POU2AF2: variants seen among roughly 807,000 people sequenced by gnomAD.
POU2AF2 encodes the protein POU domain class 2-associating factor 2.
chr11:111,264,371 C>T, the POU2AF2 span, among the ~76,000 whole-genome samples: 4 of 151,954 alleles, frequency 2.6e-5, no homozygotes, highest in Non-Finnish European at 1.5e-5. Flanking sequence ...TGGTGTGCAC[C>T]TGTAATCCCA....
the POU2AF2 span, among the ~76,000 whole-genome samples, chr11:111,254,412 T>C: frequency 6.6e-6 from 1 of 152,224 alleles, no homozygotes; most frequent in Non-Finnish European, 1.5e-5. Context: ...TGGATTTGTT[T>C]TTCTTCTTCA....
chr11:111,279,859 C>T, the POU2AF2 span, among the ~76,000 whole-genome samples: 39,885 of 150,650 alleles, frequency 0.26, 5,565 homozygotes, highest in Admixed American at 0.33. Context: ...CTGGCCAACA[C>T]AGTGAAACCC....
At chr11:111,285,115 G>C in the POU2AF2 span, among the ~76,000 whole-genome samples, 2 of 152,210 alleles carry the variant, frequency 1.3e-5, no homozygotes, top group African/African-American at 4.8e-5. Context: ...CGGGCTCAGA[G>C]TCAGGAGGAG....
chr11:111,262,684 T>C, the POU2AF2 span, among the ~76,000 whole-genome samples: 1 of 152,200 alleles, frequency 6.6e-6, no homozygotes, highest in Admixed American at 6.5e-5. Context: ...CTACAAATGG[T>C]CTTGGGTAAT....
chr11:111,253,852 C>T, the POU2AF2 span, among the ~76,000 whole-genome samples: 1 of 152,100 alleles, frequency 6.6e-6, no homozygotes, highest in African/African-American at 2.4e-5. Flanking sequence ...GGACTTTGCC[C>T]GTGCTGTCTT....
chr11:111,261,657 G>A, the POU2AF2 span, among the ~76,000 whole-genome samples: 2 of 152,164 alleles, frequency 1.3e-5, no homozygotes, highest in Non-Finnish European at 1.5e-5. Context: ...GTCGTGTAGT[G>A]TAGGGGAAGC....
chr11:111,268,736 C>T, the POU2AF2 span, among the ~76,000 whole-genome samples: 2 of 151,366 alleles, frequency 1.3e-5, no homozygotes, highest in African/African-American at 2.4e-5. Context: ...TTAGTAGAGA[C>T]GGGGTTTCAC....
chr11:111,284,140 C>A, the POU2AF2 span: 1 of 1,614,194 alleles, frequency 6.2e-7, no homozygotes, highest in East Asian at 2.2e-5. Flanking sequence ...CAGACTTCCA[C>A]AACAGTAAAC....
At chr11:111,285,448 T>C in the POU2AF2 span, among the ~76,000 whole-genome samples, 4 of 152,172 alleles carry the variant, frequency 2.6e-5, no homozygotes, top group Non-Finnish European at 4.4e-5. Context: ...TCAATATCTA[T>C]AGCAAATCTA....
chr11:111,269,607 C>T, the POU2AF2 span, among the ~76,000 whole-genome samples: 1 of 152,046 alleles, frequency 6.6e-6, no homozygotes, highest in Non-Finnish European at 1.5e-5. Flanking sequence ...TGCAGCGGAA[C>T]AGCCGTGGCA....
At chr11:111,247,189 CACAGAG>C in the POU2AF2 span, among the ~76,000 whole-genome samples, 1,910 of 34,392 alleles carry the variant, frequency 0.056, 44 homozygotes, top group African/African-American at 0.16. Flanking sequence ...CATACACACA[CACAGAG>C]AGAGAGAGAG....
At chr11:111,276,453 A>AAAAAAAAAAATATATATATATAT in the POU2AF2 span, among the ~76,000 whole-genome samples, 3 of 37,674 alleles carry the variant, frequency 8.0e-5, no homozygotes, top group African/African-American at 1.9e-4. Context: ...AAAAAAAAAA[A>AAAAAAAAAAATATATATATATAT]ATATATATAT....
chr11:111,279,193 A>C, the POU2AF2 span, among the ~76,000 whole-genome samples: 1 of 152,174 alleles, frequency 6.6e-6, no homozygotes, highest in African/African-American at 2.4e-5. Flanking sequence ...TAGGCACTGC[A>C]TCCTGCAAGA....
chr11:111,258,324 T>C, the POU2AF2 span, among the ~76,000 whole-genome samples: 1 of 152,134 alleles, frequency 6.6e-6, no homozygotes, highest in Non-Finnish European at 1.5e-5. Context: ...AACTATCAAT[T>C]GGAAAGGCAA....
At chr11:111,248,762 A>G in the POU2AF2 span, among the ~76,000 whole-genome samples, 36 of 152,238 alleles carry the variant, frequency 2.4e-4, no homozygotes, top group African/African-American at 8.7e-4. Flanking sequence ...ACCTCAGAGA[A>G]TGTCATCAAA....
the POU2AF2 span, chr11:111,285,630 C>A: frequency 1.9e-6 from 3 of 1,598,312 alleles, no homozygotes; most frequent in South Asian, 2.3e-5. Context: ...GAATAACCTC[C>A]GTGGCCTTTC....
the POU2AF2 span, chr11:111,281,555 T>C: frequency 2.7e-6 from 3 of 1,118,912 alleles, no homozygotes; most frequent in Non-Finnish European, 3.9e-6. Context: ...TCCTTTAAAA[T>C]AGTTTTGTCT....
At chr11:111,273,033 T>A in the POU2AF2 span, among the ~76,000 whole-genome samples, 1 of 152,196 alleles carries the variant, frequency 6.6e-6, no homozygotes, top group Non-Finnish European at 1.5e-5. Context: ...ATTTTTCTTA[T>A]TTACAATCAA....
At chr11:111,278,487 C>A in the POU2AF2 span, among the ~76,000 whole-genome samples, 1 of 152,154 alleles carries the variant, frequency 6.6e-6, no homozygotes, top group Non-Finnish European at 1.5e-5. Context: ...TTAGATCTTG[C>A]AGGTGAATCC....
Sources: gnomAD v4.1 joint callset for allele counts (sites outside exome capture counted in the v4.1 genomes callset) on GRCh38, gnomAD v4.1.1 for gene constraint, MANE v1.5 for transcripts, NCBI Gene and HGNC (gene_info 2026-07-23, HGNC 2026-07-21) for gene names.